The following UBE2H variants were observed in gnomAD, a reference collection of about 807,000 sequenced individuals.
The protein encoded by UBE2H is ubiquitin conjugating enzyme E2 H.
A neutral mutation model predicts 29.0 loss-of-function variants in UBE2H; 3 were observed. That is an observed-to-expected ratio of 0.10 (90% CI 0.05 to 0.27). The LOEUF (loss-of-function observed/expected upper bound fraction) is 0.27, where lower values mean the gene tolerates loss of function less well. Among genes scored for constraint, UBE2H ranks in the 10% least tolerant of loss-of-function variants. The pLI, the probability that UBE2H is intolerant of heterozygous loss-of-function variation, is 1.00. For missense variants in UBE2H, 68 were observed against 228.2 expected (o/e 0.30, Z 4.52); for synonymous variants, 69 against 82.9 (o/e 0.83, Z 0.91).
At chr7:129,865,057 T>C in intron 3 of UBE2H, 1 of 443,208 alleles carries the variant, frequency 2.3e-6, no homozygotes, top group Non-Finnish European at 4.5e-6. Flanking sequence ...AATTAGGTAA[T>C]TTATAATTCT....
chr7:129,911,068 TAA>T (rs547853067), intron 1 of UBE2H, among the ~76,000 whole-genome samples: 171 of 150,320 alleles, frequency 1.1e-3, no homozygotes, highest in African/African-American at 3.7e-3. Flanking sequence ...GGGGAGAGAA[TAA>T]AGAGGCAGAA....
intron 1 of UBE2H, among the ~76,000 whole-genome samples, chr7:129,930,155 G>A (rs1460682805): frequency 2.0e-5 from 3 of 152,044 alleles, no homozygotes; most frequent in Non-Finnish European, 2.9e-5. Context: ...GTCTCAGCAC[G>A]CTTTACACTC....
At chr7:129,898,034 GA>G (rs1364710224) in intron 1 of UBE2H, among the ~76,000 whole-genome samples, 2 of 152,020 alleles carry the variant, frequency 1.3e-5, no homozygotes, top group Non-Finnish European at 2.9e-5. Context: ...AACCCATAGT[GA>G]AAATAAGCAA....
chr7:129,911,105 C>T (rs143231650), intron 1 of UBE2H, among the ~76,000 whole-genome samples: 88 of 152,176 alleles, frequency 5.8e-4, no homozygotes, highest in Middle Eastern at 3.4e-3. Context: ...TGACTCATGC[C>T]TGTAATCCCA....
intron 1 of UBE2H, among the ~76,000 whole-genome samples, chr7:129,942,345 G>A (rs1254667076): frequency 1.3e-5 from 2 of 151,976 alleles, no homozygotes; most frequent in Non-Finnish European, 2.9e-5. Flanking sequence ...AAATTAGCCA[G>A]GCGTGGTGGC....
At chr7:129,948,600 G>A (rs1005528064) in intron 1 of UBE2H, among the ~76,000 whole-genome samples, 2 of 152,110 alleles carry the variant, frequency 1.3e-5, no homozygotes, top group Non-Finnish European at 2.9e-5. Context: ...GAAGATTTGA[G>A]GCCAGGAGTT....
intron 3 of UBE2H, among the ~76,000 whole-genome samples, chr7:129,873,020 G>GT (rs10677960): frequency 0.073 from 10,159 of 139,654 alleles, 515 homozygotes; most frequent in East Asian, 0.25. Context: ...ATAGCTCAGA[G>GT]TTTTTTTTTT....
chr7:129,902,278 C>G (rs910024618), intron 1 of UBE2H, among the ~76,000 whole-genome samples: 3 of 152,184 alleles, frequency 2.0e-5, no homozygotes, highest in African/African-American at 7.2e-5. Context: ...GCGGATGGAT[C>G]ACCTGAGGTC....
At position 129,834,748 on chromosome 7, in the gene UBE2H, C is replaced by T. The variant is rs1188246264; in HGVS notation, c.*189G>A. ...ATGGAATGTGGGAATATGCTATGCA[C>T]CTCAGGTTGAGAAATGACCAAGAAA... is the stretch of plus-strand genomic sequence containing the variant. On this transcript the variant is annotated 3_prime_UTR_variant, in exon 7 of 7. Transcript: ENST00000355621. The T allele has an allele frequency of 4.6e-6, 3 of 655,306 alleles. No homozygotes were observed. The highest frequency in any genetic ancestry group is 2.4e-5 in the South Asian group (1 of 41,442). The allele number at this position is 655,306 out of a possible 1,614,324, so 40.6% of individuals were successfully genotyped here.
At chr7:129,848,947 T>C (rs1424119952) in intron 5 of UBE2H, among the ~76,000 whole-genome samples, 1 of 151,844 alleles carries the variant, frequency 6.6e-6, no homozygotes, top group East Asian at 1.9e-4. Flanking sequence ...AAGGGTGTAT[T>C]AGACACTATA....
intron 1 of UBE2H, among the ~76,000 whole-genome samples, chr7:129,940,267 AG>A (rs1203206200): frequency 1.3e-5 from 2 of 152,248 alleles, no homozygotes; most frequent in Admixed American, 1.3e-4. Flanking sequence ...TTTTGTATGT[AG>A]GGAGTATCTC....
At chr7:129,903,334 CTA>C (rs1428955774) in intron 1 of UBE2H, among the ~76,000 whole-genome samples, 2 of 152,166 alleles carry the variant, frequency 1.3e-5, no homozygotes, top group East Asian at 1.9e-4. Flanking sequence ...GTTAATAAGA[CTA>C]TGTGAAAATT....
intron 1 of UBE2H, among the ~76,000 whole-genome samples, chr7:129,945,370 G>A (rs1419488970): frequency 2.6e-5 from 4 of 152,166 alleles, no homozygotes; most frequent in African/African-American, 9.7e-5. Context: ...CTTGCAGTAT[G>A]CACTCTGAGA....
intron 5 of UBE2H, among the ~76,000 whole-genome samples, chr7:129,843,752 A>C (rs949395455): frequency 6.6e-6 from 1 of 152,208 alleles, no homozygotes; most frequent in African/African-American, 2.4e-5. Context: ...GCTCCACCGC[A>C]GGAGGTAACC....
chr7:129,915,326 G>A (rs1807022395), intron 1 of UBE2H, among the ~76,000 whole-genome samples: 1 of 152,132 alleles, frequency 6.6e-6, no homozygotes, highest in Non-Finnish European at 1.5e-5. Context: ...CACGAGGTCA[G>A]GAGATCGAGA....
chr7:129,908,208 T>C (rs915131838), intron 1 of UBE2H, among the ~76,000 whole-genome samples: 18 of 152,176 alleles, frequency 1.2e-4, no homozygotes, highest in African/African-American at 3.9e-4. Flanking sequence ...TAGACAGTTA[T>C]CAAAAAAGTG....
At position 129,869,006 on chromosome 7, in the gene UBE2H, G is replaced by A. The variant is rs562586211; in HGVS notation, c.206-10065C>T. ...GGCTGGAGTGCAATGGCGCGATCTCGGCTCACTGCAACTTCTGCCTCCGGG... is the reference window on the plus strand; with the variant it reads ...GGCTGGAGTGCAATGGCGCGATCTCAGCTCACTGCAACTTCTGCCTCCGGG... On this transcript the variant is annotated intron_variant, in intron 3 of 6. Coordinates refer to ENST00000355621, the MANE Select transcript of UBE2H (RefSeq NM_003344.4). Among the ~76,000 whole-genome samples the A allele has an allele frequency of 5.5e-4, 82 of 149,010 alleles. No homozygotes were observed. The Middle Eastern group carries it at 0.01, about 19-fold the overall frequency.
At chr7:129,895,102 G>A (rs1806573737) in intron 1 of UBE2H, among the ~76,000 whole-genome samples, 1 of 152,284 alleles carries the variant, frequency 6.6e-6, no homozygotes, top group South Asian at 2.1e-4. Flanking sequence ...TCTGCTCTCA[G>A]GAAATTATAA....
chr7:129,882,754 C>T (rs1406854513), intron 1 of UBE2H, among the ~76,000 whole-genome samples: 1 of 152,016 alleles, frequency 6.6e-6, no homozygotes, highest in East Asian at 1.9e-4. Flanking sequence ...CCAAAGTTAA[C>T]GTTAATGTAA....
Sources: allele counts gnomAD v4.1 joint callset (sites outside exome capture counted in the v4.1 genomes callset), GRCh38; gene constraint gnomAD v4.1.1; transcripts MANE v1.5; gene names NCBI Gene and HGNC (gene_info 2026-07-23, HGNC 2026-07-21).